Variants in MSN observed in about 807,000 individuals in gnomAD.
MSN encodes epididymis luminal protein 70.
Under a neutral mutation model 48.0 loss-of-function variants are expected in MSN, and 2 were observed. The observed-to-expected ratio is 0.04, with a 90% CI of 0.02 to 0.13. The LOEUF is 0.13. Among genes scored for constraint, MSN ranks in the 10% least tolerant of loss-of-function variants. The pLI is 1.00. For synonymous variants in MSN, 146 were observed against 166.9 expected (o/e 0.87, Z 0.97); for missense variants, 267 against 470.1 (o/e 0.57, Z 3.99).
intron 1 of MSN, among the ~76,000 whole-genome samples, chrX:65,620,091 A>C (rs1247431618): frequency 8.9e-6 from 1 of 112,201 alleles, no homozygotes; most frequent in African/African-American, 3.2e-5. Flanking sequence ...GCGTGCTGGG[A>C]GAACCACTGC....
intron 2 of MSN, among the ~76,000 whole-genome samples, chrX:65,725,795 A>G (rs1169490795): frequency 9.0e-6 from 1 of 111,684 alleles, no homozygotes; most frequent in Non-Finnish European, 1.9e-5. Flanking sequence ...TTTTCTAAAC[A>G]TGTTTCTAAT....
chrX:65,642,755 C>G (rs2070666917), intron 1 of MSN, among the ~76,000 whole-genome samples: 1 of 111,458 alleles, frequency 9.0e-6, no homozygotes, highest in Non-Finnish European at 1.9e-5. Context: ...AGGAGATGGT[C>G]AGGGAGTTAG....
chrX:65,589,432 A>G (rs2070126332), intron 1 of MSN, among the ~76,000 whole-genome samples: 1 of 111,671 alleles, frequency 9.0e-6, no homozygotes, highest in South Asian at 3.8e-4. Context: ...CCCAGGAGAG[A>G]CTGGCCAGTC....
At chrX:65,611,119 A>C (rs2070315583) in intron 1 of MSN, among the ~76,000 whole-genome samples, 1 of 109,940 alleles carries the variant, frequency 9.1e-6, no homozygotes, top group South Asian at 3.8e-4. Flanking sequence ...CATACAAGTT[A>C]AATTATACAG....
intron 1 of MSN, among the ~76,000 whole-genome samples, chrX:65,675,420 G>A (rs1198121211): frequency 5.4e-5 from 6 of 110,845 alleles, no homozygotes; most frequent in Non-Finnish European, 3.8e-5. Flanking sequence ...TTTGGTATGT[G>A]GGTGTAAACC....
intron 1 of MSN, among the ~76,000 whole-genome samples, chrX:65,660,949 C>A (rs1039417101): frequency 1.8e-5 from 2 of 110,532 alleles, no homozygotes; most frequent in Admixed American, 9.7e-5. Flanking sequence ...TGATAGATGG[C>A]TCTTTTATTT....
intron 2 of MSN, among the ~76,000 whole-genome samples, chrX:65,720,939 C>G (rs1407532867): frequency 8.9e-6 from 1 of 112,011 alleles, no homozygotes; most frequent in African/African-American, 3.2e-5. Flanking sequence ...ACATGTTTTG[C>G]TATAGTGATT....
chrX:65,639,441 G>A (rs148962648), intron 1 of MSN, among the ~76,000 whole-genome samples: 1,991 of 112,324 alleles, frequency 0.018, 51 homozygotes, highest in African/African-American at 0.061. Flanking sequence ...CACCGTGCCT[G>A]GCCTGAAAGC....
In MSN at chrX:65,675,432, A is replaced by G. The variant is rs1021143446; in HGVS notation, c.12+7579A>G. Among the ~76,000 whole-genome samples, 15 of 111,030 alleles carry G rather than the reference A, an allele frequency of 1.4e-4. No homozygotes were observed. In the South Asian group the frequency reaches 1.5e-3, roughly 11 times the overall value. On this transcript the variant is annotated intron_variant, in intron 1 of 12. Transcript: ENST00000360270. ...GTTTTTGGTATGTGGGTGTAAACCA[A>G]TGGCCCTAGACCAATGCTCTCTTGA...
chrX:65,672,958 C>T (rs908975572), intron 1 of MSN, among the ~76,000 whole-genome samples: 2 of 111,258 alleles, frequency 1.8e-5, no homozygotes, highest in African/African-American at 6.5e-5. Context: ...TCCTCTTGTC[C>T]CATTATACTC....
chrX:65,646,905 C>T (rs1216393006), intron 1 of MSN, among the ~76,000 whole-genome samples: 1 of 111,400 alleles, frequency 9.0e-6, no homozygotes, highest in East Asian at 2.8e-4. Context: ...CGAGATCGCA[C>T]CATTGCACTC....
At chrX:65,625,536 T>A (rs1215457052) in intron 1 of MSN, 1 of 112,595 alleles carries the variant, frequency 8.9e-6, no homozygotes, top group African/African-American at 3.2e-5. Context: ...TTTCATTCTT[T>A]GTTTCTTGTA....
Position 65,694,479 on chromosome X carries a change from C to T in MSN, c.13-22339C>T, listed in dbSNP as rs2071210618. Among the ~76,000 whole-genome samples the T allele has an allele frequency of 2.7e-5, 3 of 110,495 alleles. No homozygotes were observed. The South Asian group carries it at 1.2e-3, about 43-fold the overall frequency. ...GAGGAGCTGGGACTAGAGGCATGCA[C>T]CACCACGCCCGGCTAATTTTTGTAT... On this transcript the variant is annotated intron_variant, in intron 1 of 12. Transcript: ENST00000360270.
intron 1 of MSN, among the ~76,000 whole-genome samples, chrX:65,681,583 A>G (rs1394525144): frequency 8.9e-6 from 1 of 112,425 alleles, no homozygotes; most frequent in Non-Finnish European, 1.9e-5. Flanking sequence ...CCTGAGTGTA[A>G]GTACAGAGAA....
At chrX:65,626,244 G>A (rs1444353397) in intron 1 of MSN, among the ~76,000 whole-genome samples, 1 of 112,149 alleles carries the variant, frequency 8.9e-6, no homozygotes, top group Non-Finnish European at 1.9e-5. Context: ...GTGAGCCACC[G>A]TGCCTGGCCT....
At chrX:65,693,946 G>A (rs2071201792) in intron 1 of MSN, among the ~76,000 whole-genome samples, 1 of 110,603 alleles carries the variant, frequency 9.0e-6, no homozygotes, top group African/African-American at 3.3e-5. Flanking sequence ...CCAGCTATTC[G>A]GGAGGCTGAG....
At chrX:65,700,520 G>A (rs1305010727) in intron 1 of MSN, among the ~76,000 whole-genome samples, 2 of 111,463 alleles carry the variant, frequency 1.8e-5, no homozygotes, top group African/African-American at 3.3e-5. Context: ...ACAATTAGGT[G>A]CCCTTGTTTG....
At chrX:65,611,781 T>G (rs73629458) in intron 1 of MSN, among the ~76,000 whole-genome samples, 16,431 of 110,117 alleles carry the variant, frequency 0.15, 3,060 homozygotes, top group African/African-American at 0.51. Context: ...TTTTTTGAGG[T>G]ATTGTCATAC....
chrX:65,654,894 T>C (rs2070770745), intron 1 of MSN, among the ~76,000 whole-genome samples: 1 of 111,192 alleles, frequency 9.0e-6, no homozygotes, highest in East Asian at 2.8e-4. Flanking sequence ...TATGCCAGGG[T>C]AATAGTTTTT....
Sources: allele counts gnomAD v4.1 joint callset (sites outside exome capture counted in the v4.1 genomes callset), GRCh38; gene constraint gnomAD v4.1.1; transcripts MANE v1.5; gene names NCBI Gene and HGNC (gene_info 2026-07-23, HGNC 2026-07-21).